Variants in PARVB observed in about 807,000 individuals in gnomAD.
PARVB encodes beta-parvin.
In PARVB, 46 loss-of-function variants were observed where a neutral mutation model predicts 47.0. The ratio of observed to expected loss-of-function variants is 0.98; its 90% CI spans 0.77 to 1.25. The LOEUF is 1.25. Among genes scored for constraint, PARVB ranks in the 50% most tolerant of loss-of-function variants. The pLI is 0.00. For missense variants in PARVB, 473 were observed against 471.6 expected, an observed-to-expected ratio of 1.00 and a Z score of -0.03; for synonymous variants, 196 against 196.3, an observed-to-expected ratio of 1.00 and a Z score of 0.01.
intron 8 of PARVB, chr22:44,146,184 AC>A (rs1283446244): frequency 1.8e-5 from 2 of 112,734 alleles, no homozygotes; most frequent in African/African-American, 5.5e-5. Flanking sequence ...CACACCGCAC[AC>A]ACGCACACCC....
intron 7 of PARVB, among the ~76,000 whole-genome samples, chr22:44,137,465 G>A (rs944488043): frequency 6.6e-6 from 1 of 152,200 alleles, no homozygotes; most frequent in Middle Eastern, 3.2e-3. Flanking sequence ...GTGGGGAACT[G>A]GGATTGGGCT....
intron 6 of PARVB, 21 bp downstream of exon 6, chr22:44,133,030 G>A (rs560439487): frequency 1.7e-5 from 27 of 1,555,178 alleles, no homozygotes; most frequent in South Asian, 9.1e-5. Flanking sequence ...CCGAGTGGTC[G>A]GCCTGCCTGT....
chr22:44,166,489 G>C (rs2054170231), intron 12 of PARVB, among the ~76,000 whole-genome samples: 1 of 152,210 alleles, frequency 6.6e-6, no homozygotes, highest in Admixed American at 6.5e-5. Flanking sequence ...CTCCTAGGAG[G>C]GTGTTTGCCC....
At chr22:44,056,420 C>T (rs1249472105) in intron 1 of PARVB, among the ~76,000 whole-genome samples, 1 of 152,236 alleles carries the variant, frequency 6.6e-6, no homozygotes, top group African/African-American at 2.4e-5. Flanking sequence ...CCATTTCCTG[C>T]CTGCTGAACC....
intron 11 of PARVB, chr22:44,162,704 T>A (rs1447584085): frequency 6.6e-6 from 1 of 152,306 alleles, no homozygotes; most frequent in African/African-American, 2.4e-5. Context: ...TGATGTCCCC[T>A]CCTCCCATCA....
chr22:44,046,212 A>G (rs1013980788), intron 1 of PARVB, among the ~76,000 whole-genome samples: 2 of 152,186 alleles, frequency 1.3e-5, no homozygotes, highest in Non-Finnish European at 2.9e-5. Flanking sequence ...GTGGTCGCTG[A>G]GCCCAGCTGC....
chr22:44,093,787 T>C (rs766955700), intron 1 of PARVB, 141 bp from the exon 2 acceptor site: 9 of 601,424 alleles, frequency 1.5e-5, no homozygotes, highest in Non-Finnish European at 2.7e-5. Flanking sequence ...TCTGACTCTT[T>C]CTGGGCAACA....
At chr22:44,160,925 C>T (rs1437450346) in intron 11 of PARVB, among the ~76,000 whole-genome samples, 3 of 152,196 alleles carry the variant, frequency 2.0e-5, no homozygotes, top group African/African-American at 7.2e-5. Flanking sequence ...CCTGAGCATC[C>T]ACTCCCTCAG....
rs117493069 is a variant in PARVB at position 44,062,035 on chromosome 22, G to C, written c.113-31893G>C. Among the ~76,000 whole-genome samples, 3 of 152,276 alleles carry C rather than the reference G, an allele frequency of 2.0e-5. No individual in the cohort carries two copies. In the East Asian group the frequency reaches 5.8e-4, roughly 29 times the overall value. ...ACATACAGAATCCATGAATCAAGGC[G>C]ATTGACTGTACTTTGACAATTATTT... On this transcript the variant is annotated intron_variant, in intron 1 of 12. Transcript: ENST00000338758.
At position 44,049,018 on chromosome 22, in the gene PARVB, A is replaced by G. The variant is rs1481264280; in HGVS notation, c.112+24567A>G. Among the ~76,000 whole-genome samples the G allele has an allele frequency of 6.6e-6, 1 of 152,168 alleles. No homozygotes were observed. Among genetic ancestry groups the G allele is most frequent in the African/African-American group, 2.4e-5 (1 of 41,444 alleles). ...TTCACTCCATTTTGCCGAGGAGGGAACAGAAGTGTGGAGTCCTCCCAGCCA... is the reference window on the plus strand; with the variant it reads ...TTCACTCCATTTTGCCGAGGAGGGAGCAGAAGTGTGGAGTCCTCCCAGCCA... On this transcript the variant is annotated intron_variant, in intron 1 of 12. Transcript: ENST00000338758. This position sits in a 1 kb window ranked among gnomAD's most constrained non-coding sequence, Gnocchi z 4.0.
intron 4 of PARVB, among the ~76,000 whole-genome samples, chr22:44,122,536 G>GAGAC (rs2053082379): frequency 2.1e-5 from 2 of 95,844 alleles, no homozygotes; most frequent in Admixed American, 1.1e-4. Flanking sequence ...GACAGAGAGA[G>GAGAC]AGAGAGAGAG....
intron 1 of PARVB, among the ~76,000 whole-genome samples, chr22:44,037,991 C>G (rs1489458344): frequency 6.6e-6 from 1 of 152,256 alleles, no homozygotes; most frequent in Non-Finnish European, 1.5e-5. Flanking sequence ...CTCCCTTGGC[C>G]TGGCCATGGG....
intron 11 of PARVB, among the ~76,000 whole-genome samples, chr22:44,160,073 A>G (rs1226307023): frequency 8.5e-5 from 13 of 152,212 alleles, no homozygotes; most frequent in African/African-American, 1.4e-4. Flanking sequence ...CTCGTGCCCC[A>G]TGAGCTATCT....
chr22:44,163,504 T>G (rs1400789913), intron 11 of PARVB, among the ~76,000 whole-genome samples: 3 of 151,722 alleles, frequency 2.0e-5, no homozygotes, highest in African/African-American at 7.3e-5. Context: ...AACAAAGAAA[T>G]AATAAATAAA....
At chr22:44,014,768 C>T (rs1440500316) in intron 2 of PARVB, among the ~76,000 whole-genome samples, 1 of 152,082 alleles carries the variant, frequency 6.6e-6, no homozygotes. Flanking sequence ...AAAAGAAATA[C>T]AACTTAGTCC....
intron 1 of PARVB, among the ~76,000 whole-genome samples, chr22:44,091,507 A>C (rs1298179968): frequency 2.6e-5 from 4 of 151,734 alleles, no homozygotes; most frequent in Non-Finnish European, 5.9e-5. Context: ...CCTGGCATCC[A>C]CCAGACTGCT....
intron 1 of PARVB, among the ~76,000 whole-genome samples, chr22:44,073,450 C>T (rs999957028): frequency 3.3e-5 from 5 of 152,146 alleles, no homozygotes; most frequent in Non-Finnish European, 4.4e-5. Context: ...GCGGAGGTCG[C>T]GCCATTACAC....
chr22:44,062,612 G>A (rs1368017513), intron 1 of PARVB, among the ~76,000 whole-genome samples: 1 of 151,160 alleles, frequency 6.6e-6, no homozygotes, highest in East Asian at 1.9e-4. Context: ...ACTCCAGCCT[G>A]AGCAACAAGA....
Position 44,037,913 on chromosome 22 carries a change from T to A in PARVB, c.112+13462T>A, listed in dbSNP as rs371622024. Among the ~76,000 whole-genome samples, 12 of 152,042 alleles carry A rather than the reference T, an allele frequency of 7.9e-5. 1 individual carries two copies. In the South Asian group the frequency reaches 1.0e-3, roughly 13 times the overall value. ...ATGCTACTCCAGGACCAAGTCCAGA[T>A]TCTCGCCAGCCACCCAGCGCCTGTC... On this transcript the variant is annotated intron_variant, in intron 1 of 12. Transcript: ENST00000338758.
Sources: gnomAD v4.1 joint callset for allele counts (sites outside exome capture counted in the v4.1 genomes callset) on GRCh38, gnomAD v4.1.1 for gene constraint, Gnocchi (gnomAD v3.1) non-coding constraint, MANE v1.5 for transcripts, NCBI Gene and HGNC (gene_info 2026-07-23, HGNC 2026-07-21) for gene names.